The following ST8SIA1 variants were observed in gnomAD, a reference collection of about 807,000 sequenced individuals.
ST8SIA1 encodes ST8 alpha-N-acetyl-neuraminide alpha-2,8-sialyltransferase 1, also known as alpha-N-acetylneuraminide alpha-2,8-sialyltransferase.
A neutral mutation model predicts 35.9 loss-of-function variants in ST8SIA1; 16 were observed. The ratio of observed to expected loss-of-function variants is 0.45; its 90% CI spans 0.30 to 0.68. The LOEUF (loss-of-function observed/expected upper bound fraction) is 0.68, where lower values mean the gene tolerates loss of function less well. Ranked by LOEUF, ST8SIA1 falls within the 30% of genes least tolerant of loss-of-function variation. ST8SIA1 has a pLI of 0.09. For missense variants in ST8SIA1, 383 were observed against 453.6 expected, an observed-to-expected ratio of 0.84 and a Z score of 1.41; for synonymous variants, 170 against 169.6, an observed-to-expected ratio of 1.00 and a Z score of -0.02.
chr12:22,207,196 G>T (rs1427423283), intron 4 of ST8SIA1, among the ~76,000 whole-genome samples: 1 of 152,144 alleles, frequency 6.6e-6, no homozygotes, highest in Admixed American at 6.5e-5. Flanking sequence ...GCATGGAAGG[G>T]CTTTATGCAC....
In ST8SIA1 at chr12:22,285,871, C is replaced by CAAAAACAAAAAAAACAAA. The variant is rs1555160049; in HGVS notation, c.381+1277_381+1278insTTTGTTTTTTTTGTTTTT. On this transcript the variant is annotated intron_variant, in intron 2 of 4. Transcript: ENST00000396037. ...GGCAACAGAGTAAGTAAGACTCTGT[C>CAAAAACAAAAAAAACAAA]AAAAACAAAAAAAAAAAAAAAAAAA... is the stretch of plus-strand genomic sequence containing the variant. Among the ~76,000 whole-genome samples, 834 of 94,910 alleles carry CAAAAACAAAAAAAACAAA rather than the reference C, an allele frequency of 8.8e-3. 31 individuals carry two copies. The highest frequency in any genetic ancestry group is 0.026 in the Middle Eastern group (3 of 114). 62.3% of individuals were successfully genotyped at this position (94,910 alleles called of 152,430 possible).
chr12:22,298,121 T>C (rs939004771), intron 1 of ST8SIA1, among the ~76,000 whole-genome samples: 3 of 152,162 alleles, frequency 2.0e-5, no homozygotes, highest in African/African-American at 7.2e-5. Context: ...CATGAGGGCA[T>C]GGAAATTCTG....
At chr12:22,253,090 T>C (rs1412483579) in intron 3 of ST8SIA1, among the ~76,000 whole-genome samples, 1 of 152,206 alleles carries the variant, frequency 6.6e-6, no homozygotes, top group Non-Finnish European at 1.5e-5. Context: ...CAGTCATAGA[T>C]AGAGTAAGAG....
chr12:22,237,501 CTATATA>C (rs1213971248), intron 4 of ST8SIA1, among the ~76,000 whole-genome samples: 1 of 151,274 alleles, frequency 6.6e-6, no homozygotes, highest in Non-Finnish European at 1.5e-5. Context: ...CTGAACATAA[CTATATA>C]TATAATTTTA....
intron 2 of ST8SIA1, among the ~76,000 whole-genome samples, chr12:22,264,455 C>A (rs1333326417): frequency 6.6e-6 from 1 of 152,178 alleles, no homozygotes; most frequent in African/African-American, 2.4e-5. Flanking sequence ...TAACAAGATG[C>A]AGCCAAATCA....
chr12:22,321,571 TTAAAA>T (rs1207114865), intron 1 of ST8SIA1, among the ~76,000 whole-genome samples: 2 of 152,118 alleles, frequency 1.3e-5, no homozygotes, highest in Non-Finnish European at 2.9e-5. Flanking sequence ...TCATTGTGCT[TTAAAA>T]TAAACAAAAC....
rs73265965 is a variant in ST8SIA1, at chr12:22,207,470, T to G, written c.585-5432A>C. On this transcript the variant is annotated intron_variant, in intron 4 of 4. Transcript: ENST00000396037. ...TAATTAAGCATGTTGTTTTCACATGTGACAAAAAAAATCAGCTGAGGAAGT... is the reference window on the plus strand; with the variant it reads ...TAATTAAGCATGTTGTTTTCACATGGGACAAAAAAAATCAGCTGAGGAAGT... 4.0e-3 allele frequency among the ~76,000 whole-genome samples: 604 copies of G among 152,130 alleles called. 9 individuals carry two copies. Among genetic ancestry groups the G allele is most frequent in the African/African-American group, 0.013 (522 of 41,502 alleles).
intron 1 of ST8SIA1, among the ~76,000 whole-genome samples, chr12:22,318,690 C>G (rs1866548304): frequency 1.3e-5 from 2 of 152,180 alleles, no homozygotes; most frequent in Admixed American, 1.3e-4. Flanking sequence ...ATGGGTGATA[C>G]AAACAGCCTT....
chr12:22,253,998 T>A (rs1042546633), intron 3 of ST8SIA1, among the ~76,000 whole-genome samples: 11 of 152,152 alleles, frequency 7.2e-5, no homozygotes, highest in African/African-American at 2.7e-4. Flanking sequence ...CTTGGCTACC[T>A]TTTTTCCACT....
intron 1 of ST8SIA1, among the ~76,000 whole-genome samples, chr12:22,333,013 TC>T (rs556183449): frequency 7.8e-4 from 118 of 152,236 alleles, no homozygotes; most frequent in African/African-American, 2.8e-3. Context: ...ACCCGTGTGT[TC>T]CCTCAACATG....
Position 22,320,988 on chromosome 12 carries a change from AAAG to A in ST8SIA1, c.236+13006_236+13008del, listed in dbSNP as rs1302263181. Among the ~76,000 whole-genome samples the A allele has an allele frequency of 5.3e-4, 65 of 123,426 alleles. 1 individual carries two copies. The highest frequency in any genetic ancestry group is 1.1e-3 in the Admixed American group (15 of 13,068). 81.0% of individuals were successfully genotyped at this position (123,426 alleles called of 152,430 possible). On this transcript the variant is annotated intron_variant, in intron 1 of 4. Transcript: ENST00000396037. ...GAAAGAAAGAAAGAAAGAAAGAAAG[AAAG>A]AAAGAAAGAAAGAAGAAAGAAAGAA...
chr12:22,240,776 C>T (rs1394597871), intron 4 of ST8SIA1, among the ~76,000 whole-genome samples: 1 of 152,090 alleles, frequency 6.6e-6, no homozygotes, highest in African/African-American at 2.4e-5. Context: ...AACTTAGAGG[C>T]ACTAACCATT....
In ST8SIA1 at chr12:22,334,046, G is replaced by A; in HGVS notation, c.187C>T (p.Gln63Ter). 1 of 1,614,074 alleles carries A rather than the reference G, an allele frequency of 6.2e-7. No individual in the cohort carries two copies. The highest frequency in any genetic ancestry group is 8.5e-7 in the Non-Finnish European group (1 of 1,180,034). ...NEKEIVQGVL[Q>*]QGTAWRRNQT... Reference sequence around the variant, plus strand: ...TTCCTCCTCCACGCCGTGCCCTGTTGCAGCACCCCCTGCACGATCTCTTTC... The same window carrying A: ...TTCCTCCTCCACGCCGTGCCCTGTTACAGCACCCCCTGCACGATCTCTTTC... The change falls in exon 1 of 5, where the codon CAA (glutamine) becomes TAA (stop). Residue 63 changes from glutamine to a stop codon, truncating the protein, a stop_gained. Transcript: ENST00000396037. LOFTEE classifies it high-confidence loss of function.
intron 2 of ST8SIA1, among the ~76,000 whole-genome samples, chr12:22,276,083 G>A (rs911783188): frequency 1.3e-5 from 2 of 152,160 alleles, no homozygotes; most frequent in African/African-American, 2.4e-5. Flanking sequence ...ACAACACTGG[G>A]GAGTGATCTT....
At chr12:22,318,595 G>C (rs1213065587) in intron 1 of ST8SIA1, among the ~76,000 whole-genome samples, 1 of 152,128 alleles carries the variant, frequency 6.6e-6, no homozygotes, top group African/African-American at 2.4e-5. Context: ...CTAAGCCACT[G>C]GGATGAATCA....
intron 4 of ST8SIA1, chr12:22,223,907 T>C (rs1407373579): frequency 1.2e-6 from 1 of 805,650 alleles, no homozygotes; most frequent in Non-Finnish European, 1.6e-6. Context: ...TTTCTACATC[T>C]TTATCCTTTA....
intron 1 of ST8SIA1, among the ~76,000 whole-genome samples, chr12:22,329,463 C>T (rs1478298611): frequency 6.6e-6 from 1 of 151,878 alleles, no homozygotes; most frequent in Non-Finnish European, 1.5e-5. Flanking sequence ...GATTTTTTTC[C>T]ACATTTGTAA....
chr12:22,322,680 G>A (rs1866616776), intron 1 of ST8SIA1, among the ~76,000 whole-genome samples: 1 of 152,162 alleles, frequency 6.6e-6, no homozygotes, highest in African/African-American at 2.4e-5. Flanking sequence ...CAAGGGAGTA[G>A]AAGGACACAA....
At chr12:22,227,220 T>C (rs1244159336) in intron 4 of ST8SIA1, among the ~76,000 whole-genome samples, 1 of 151,864 alleles carries the variant, frequency 6.6e-6, no homozygotes, top group Non-Finnish European at 1.5e-5. Context: ...CTGGGATTAC[T>C]GGTGTGAGCC....
Sources: allele counts gnomAD v4.1 joint callset (sites outside exome capture counted in the v4.1 genomes callset), GRCh38; gene constraint gnomAD v4.1.1; transcripts MANE v1.5; gene names NCBI Gene and HGNC (gene_info 2026-07-23, HGNC 2026-07-21).